RILPL1: variants seen among roughly 807,000 people sequenced by gnomAD.
RILPL1 encodes the protein Rab interacting lysosomal protein like 1, also known as RILP-like protein 1.
RILPL1 carries 33 observed loss-of-function variants against 50.3 expected under a neutral mutation model. The ratio of observed to expected loss-of-function variants is 0.66; its 90% CI spans 0.50 to 0.88. RILPL1 has a LOEUF of 0.88. Among genes scored for constraint, RILPL1 ranks in the 40% least tolerant of loss-of-function variants. The probability of loss-of-function intolerance (pLI) is 0.00; values close to 1 mark genes in which losing one functional copy is unlikely to be tolerated. For synonymous variants in RILPL1, 205 were observed against 228.6 expected (o/e 0.90, Z 0.93); for missense variants, 418 against 542.5 (o/e 0.77, Z 2.28).
rs956651611 is a variant in RILPL1 at position 123,489,540 on chromosome 12, T to G, written c.802-3735A>C. On this transcript the variant is annotated intron_variant, in intron 4 of 6. Transcript: ENST00000376874. The surrounding 1 kb of genome is among the most constrained non-coding windows in gnomAD (Gnocchi z 4.0). ...TTAGTCAGGCATGGTGGTGGGCACCTGTAATCCCAGCTGCTCGGGAGGCTG... is the reference window on the plus strand; with the variant it reads ...TTAGTCAGGCATGGTGGTGGGCACCGGTAATCCCAGCTGCTCGGGAGGCTG... Among the ~76,000 whole-genome samples the G allele has an allele frequency of 6.6e-6, 1 of 152,044 alleles. No homozygotes were observed. The highest frequency in any genetic ancestry group is 1.5e-5 in the Non-Finnish European group (1 of 68,018).
intron 1 of RILPL1, among the ~76,000 whole-genome samples, chr12:123,531,240 C>A (rs1240246300): frequency 6.6e-6 from 1 of 152,092 alleles, no homozygotes; most frequent in Non-Finnish European, 1.5e-5. Flanking sequence ...TGTAAGTCAA[C>A]AAGCCCTGGC....
chr12:123,501,055 C>A (rs1475854031), intron 2 of RILPL1, among the ~76,000 whole-genome samples: 1 of 151,726 alleles, frequency 6.6e-6, no homozygotes, highest in Non-Finnish European at 1.5e-5. Flanking sequence ...TTGCAGTGAG[C>A]CGAGATCGTG....
At chr12:123,529,297 AT>A (rs888474147) in intron 1 of RILPL1, among the ~76,000 whole-genome samples, 35 of 149,988 alleles carry the variant, frequency 2.3e-4, no homozygotes, top group African/African-American at 6.6e-4. Flanking sequence ...TTATAAGCTG[AT>A]TTTTTTTTTC....
At chr12:123,519,041 AGT>A (rs1884872918) in intron 2 of RILPL1, among the ~76,000 whole-genome samples, 1 of 125,664 alleles carries the variant, frequency 8.0e-6, no homozygotes, top group African/African-American at 3.1e-5. Flanking sequence ...TAGGCGACAG[AGT>A]GAGACTCCAT....
intron 2 of RILPL1, among the ~76,000 whole-genome samples, chr12:123,504,052 G>A (rs1438047181): frequency 6.7e-6 from 1 of 149,634 alleles, no homozygotes; most frequent in South Asian, 2.1e-4. Flanking sequence ...CAACTGCAAA[G>A]ACATTACCAC....
chr12:123,494,848 G>A (rs934403971), intron 4 of RILPL1, among the ~76,000 whole-genome samples: 3 of 152,142 alleles, frequency 2.0e-5, no homozygotes, highest in Non-Finnish European at 4.4e-5. Flanking sequence ...GAACCCCTGC[G>A]AGGGACCCGC....
In RILPL1 at chr12:123,491,409, C is replaced by G. The variant is rs1882681918; in HGVS notation, c.802-5604G>C. ...AGAGACCAACTAACAAGCCACGAGG[C>G]TGCCCAGAGGCCTTAGGGAGGCAGC... is the stretch of plus-strand genomic sequence containing the variant. On this transcript the variant is annotated intron_variant, in intron 4 of 6. Coordinates refer to ENST00000376874, the MANE Select transcript of RILPL1 (RefSeq NM_178314.5). The surrounding 1 kb of genome is among the most constrained non-coding windows in gnomAD (Gnocchi z 4.0). Among the ~76,000 whole-genome samples the G allele has an allele frequency of 6.6e-6, 1 of 152,208 alleles. No homozygotes were observed. The highest frequency in any genetic ancestry group is 2.1e-4 in the South Asian group (1 of 4,836).
At position 123,487,857 on chromosome 12, in the gene RILPL1, G is replaced by A. The variant is rs369525665; in HGVS notation, c.802-2052C>T. ...GAGGAGTTGTCAAACCGTTTCCCACGGCAGCTGCTCTATTTTACATTCCCA... is the reference window on the plus strand; with the variant it reads ...GAGGAGTTGTCAAACCGTTTCCCACAGCAGCTGCTCTATTTTACATTCCCA... On this transcript the variant is annotated intron_variant, in intron 4 of 6. Transcript: ENST00000376874. Among the ~76,000 whole-genome samples, 11 of 152,128 alleles carry A rather than the reference G, an allele frequency of 7.2e-5. No individual in the cohort carries two copies. In the South Asian group the frequency reaches 2.1e-3, roughly 29 times the overall value.
At chr12:123,497,020 A>G (rs1203740682) in intron 4 of RILPL1, among the ~76,000 whole-genome samples, 1 of 152,158 alleles carries the variant, frequency 6.6e-6, no homozygotes, top group Non-Finnish European at 1.5e-5. Context: ...GTTCTGGGAC[A>G]TTTCGTGCAA....
intron 1 of RILPL1, among the ~76,000 whole-genome samples, chr12:123,524,133 G>A (rs367654899): frequency 6.6e-6 from 1 of 152,194 alleles, no homozygotes; most frequent in Non-Finnish European, 1.5e-5. Flanking sequence ...ATCTCTCCAT[G>A]GGGTCTTCAA....
At chr12:123,505,039 G>GTT in intron 2 of RILPL1, among the ~76,000 whole-genome samples, 1 of 112,506 alleles carries the variant, frequency 8.9e-6, no homozygotes, top group East Asian at 2.0e-4. Flanking sequence ...AAGTTTTTTT[G>GTT]TTTTTTTTTT....
At chr12:123,495,088 G>T (rs1354461310) in intron 4 of RILPL1, among the ~76,000 whole-genome samples, 2 of 152,196 alleles carry the variant, frequency 1.3e-5, no homozygotes, top group Non-Finnish European at 2.9e-5. Context: ...GGCCACAGTA[G>T]TTGTTTCGGT....
intron 4 of RILPL1, among the ~76,000 whole-genome samples, chr12:123,496,713 C>T (rs1006755109): frequency 5.3e-5 from 8 of 152,212 alleles, no homozygotes; most frequent in African/African-American, 1.9e-4. Context: ...CCAGGATGAA[C>T]GATCTCACCC....
chr12:123,518,840 T>C (rs555067232), intron 2 of RILPL1, among the ~76,000 whole-genome samples: 52 of 151,866 alleles, frequency 3.4e-4, no homozygotes, highest in African/African-American at 1.1e-3. Flanking sequence ...AGGCGGATCA[T>C]GAGGTCAGGA....
At position 123,499,408 on chromosome 12, in the gene RILPL1, T is replaced by C; in HGVS notation, c.579+10A>G. On this transcript the variant is annotated intron_variant, in intron 3 of 6. Coordinates refer to ENST00000376874, the MANE Select transcript of RILPL1 (RefSeq NM_178314.5). ...GGAGGGTGGACGCAGGTCAGGGGTG[T>C]GTCACTCACAGCCTCAACGTCCTCA... is the stretch of plus-strand genomic sequence containing the variant. 1 of 1,599,706 alleles carries C rather than the reference T, an allele frequency of 6.3e-7. No individual in the cohort carries two copies. The highest frequency in any genetic ancestry group is 8.6e-7 in the Non-Finnish European group (1 of 1,166,980).
rs1251436288 is a variant in RILPL1, at chr12:123,498,014, T to C, written c.801+530A>G. Reference sequence around the variant, plus strand: ...GTAAGCTCCATGTGGACAGGGATCATGTCTGTATTTTGCTCGCTATTTTAT... The same window carrying C: ...GTAAGCTCCATGTGGACAGGGATCACGTCTGTATTTTGCTCGCTATTTTAT... On this transcript the variant is annotated intron_variant, in intron 4 of 6. Coordinates refer to ENST00000376874, the MANE Select transcript of RILPL1 (RefSeq NM_178314.5). The surrounding 1 kb of genome is among the most constrained non-coding windows in gnomAD (Gnocchi z 4.3). Among the ~76,000 whole-genome samples the C allele has an allele frequency of 6.6e-6, 1 of 152,204 alleles. No homozygotes were observed. Among genetic ancestry groups the C allele is most frequent in the Admixed American group, 6.5e-5 (1 of 15,268 alleles).
chr12:123,527,890 C>T (rs539441854), intron 1 of RILPL1, among the ~76,000 whole-genome samples: 8 of 152,280 alleles, frequency 5.3e-5, no homozygotes, highest in African/African-American at 1.7e-4. Context: ...ATGGATCCTC[C>T]TCCACAGCCC....
At chr12:123,494,448 C>T (rs891596452) in intron 4 of RILPL1, among the ~76,000 whole-genome samples, 11 of 152,202 alleles carry the variant, frequency 7.2e-5, no homozygotes. Context: ...GGCTGCCAGA[C>T]AGGGAAGCTG....
chr12:123,527,027 G>A (rs1885286422), intron 1 of RILPL1, among the ~76,000 whole-genome samples: 1 of 152,146 alleles, frequency 6.6e-6, no homozygotes, highest in South Asian at 2.1e-4. Flanking sequence ...ACTGTGCAGA[G>A]ATGATTAAGT....
Sources: allele counts gnomAD v4.1 joint callset (sites outside exome capture counted in the v4.1 genomes callset), GRCh38; gene constraint gnomAD v4.1.1; non-coding constraint Gnocchi (gnomAD v3.1); transcripts MANE v1.5; gene names NCBI Gene and HGNC (gene_info 2026-07-23, HGNC 2026-07-21).